Variants in MTAP observed in about 807,000 individuals in gnomAD.
The protein encoded by MTAP is S-methyl-5'-thioadenosine phosphorylase.
In MTAP, 33 loss-of-function variants were observed where a neutral mutation model predicts 33.6. The ratio of observed to expected loss-of-function variants is 0.98; its 90% confidence interval spans 0.74 to 1.31. The LOEUF is 1.31. Among genes scored for constraint, MTAP ranks in the 40% most tolerant of loss-of-function variants. The probability of loss-of-function intolerance (pLI) is 0.00; values close to 1 mark genes in which losing one functional copy is unlikely to be tolerated. For missense variants in MTAP, 367 were observed against 360.0 expected (o/e 1.02, Z -0.16); for synonymous variants, 148 against 125.7 (o/e 1.18, Z -1.19).
chr9:21,911,063 T>C lies in MTAP; in HGVS notation c.148-19945T>C, dbSNP rs542104740. Among the ~76,000 whole-genome samples the C allele has an allele frequency of 2.3e-4, 35 of 152,250 alleles. No individual in the cohort carries two copies. The East Asian group carries it at 5.8e-3, about 25-fold the overall frequency. ...CATTACATAATGGTAAAGGGATCAATTCAACAAGAAGAGCTAACTATCCTA... is the reference window on the plus strand; with the variant it reads ...CATTACATAATGGTAAAGGGATCAACTCAACAAGAAGAGCTAACTATCCTA... On this transcript the variant is annotated intron_variant, in intron 1 of 1. Coordinates refer to the MTAP transcript ENST00000577563.
At chr9:21,830,104 C>G (rs554162484) in intron 4 of MTAP, among the ~76,000 whole-genome samples, 2 of 152,262 alleles carry the variant, frequency 1.3e-5, no homozygotes, top group South Asian at 2.1e-4. Flanking sequence ...CAAGTAAATT[C>G]CATAGCAATT....
downstream of MTAP, among the ~76,000 whole-genome samples, chr9:21,938,378 G>T (rs1819076266): frequency 6.6e-6 from 1 of 151,818 alleles, no homozygotes; most frequent in Admixed American, 6.6e-5. Context: ...GGTTCAGGCT[G>T]CAGTGAGCCA....
chr9:21,919,199 A>T (rs1271870605), intron 1 of MTAP, among the ~76,000 whole-genome samples: 1 of 152,200 alleles, frequency 6.6e-6, no homozygotes, highest in Admixed American at 6.5e-5. Context: ...GACACTTGAA[A>T]TTTTTATCAG....
intron 1 of MTAP, among the ~76,000 whole-genome samples, chr9:21,886,785 G>A (rs879396978): frequency 9.2e-5 from 14 of 152,064 alleles, no homozygotes; most frequent in East Asian, 1.9e-4. Flanking sequence ...ATTCTGTTCC[G>A]TTGGCGTATG....
intron 4 of MTAP, among the ~76,000 whole-genome samples, chr9:21,836,046 G>A (rs1825096880): frequency 6.6e-6 from 1 of 152,068 alleles, no homozygotes; most frequent in South Asian, 2.1e-4. Context: ...TGAGTGTTGT[G>A]AGGCCCCATC....
rs371475082 is a variant in MTAP, at chr9:21,864,118, T to C, written c.*2104T>C. ...GCAAAAGTATGGGCATTTTTCTTGC[T>C]ATGTTCAGAAAGTACAGTTCTCTCC... On this transcript the variant is annotated 3_prime_UTR_variant, in exon 8 of 8. Transcript: ENST00000644715. 5.1e-6 allele frequency: 5 copies of C among 985,450 alleles called. No individual in the cohort carries two copies. The allele number at this position is 985,450 out of a possible 1,614,324, so 61.0% of individuals were successfully genotyped here. A position where few individuals can be genotyped will look rare whatever the true frequency, so the allele number is the denominator to read the frequency against.
intron 5 of MTAP, among the ~76,000 whole-genome samples, chr9:21,843,734 G>T (rs1311005282): frequency 6.6e-6 from 1 of 152,106 alleles, no homozygotes; most frequent in East Asian, 1.9e-4. Context: ...AAACCTCTGG[G>T]ATACAGAAAA....
intron 1 of MTAP, chr9:21,813,657 C>T (rs1824406427): frequency 6.6e-6 from 1 of 152,170 alleles, no homozygotes; most frequent in Admixed American, 6.5e-5. Flanking sequence ...CAGGGAACAC[C>T]CAGAAACAGC....
At chr9:21,825,626 C>G (rs895770046) in intron 4 of MTAP, among the ~76,000 whole-genome samples, 2 of 152,122 alleles carry the variant, frequency 1.3e-5, no homozygotes, top group African/African-American at 4.8e-5. Context: ...TTGCTTGAGC[C>G]CAGAAGTTTG....
At chr9:21,841,502 C>G (rs1825243205) in intron 5 of MTAP, among the ~76,000 whole-genome samples, 1 of 152,248 alleles carries the variant, frequency 6.6e-6, no homozygotes, top group Non-Finnish European at 1.5e-5. Context: ...ATATCTACAA[C>G]CAATGACTCT....
At position 21,862,393 on chromosome 9, in the gene MTAP, G is replaced by C. The variant is rs1445264114; in HGVS notation, c.*379G>C. ...TGGGACTCTTTGGTTATTTATTGAT[G>C]CGACTGTAAATTGGTACAGTATTTC... On this transcript the variant is annotated 3_prime_UTR_variant, in exon 8 of 8. Transcript: ENST00000644715. 2 of 169,824 alleles carry C rather than the reference G, an allele frequency of 1.2e-5. No homozygotes were observed. Among genetic ancestry groups the C allele is most frequent in the Non-Finnish European group, 2.5e-5 (2 of 80,832 alleles). 10.5% of individuals were successfully genotyped at this position (169,824 alleles called of 1,614,324 possible).
chr9:21,807,000 C>CA (rs1824224213), intron 1 of MTAP, among the ~76,000 whole-genome samples: 1 of 151,932 alleles, frequency 6.6e-6, no homozygotes, highest in African/African-American at 2.4e-5. Flanking sequence ...CCCATTTCTA[C>CA]AAAAAATACA....
chr9:21,818,172 A>G lies in MTAP; in HGVS notation c.317A>G (p.Asp106Gly). ...GSLREEIQPG[D>G]IVIIDQFIDR... Reference sequence around the variant, plus strand: ...TTGAGGGAGGAGATTCAGCCCGGCGATATTGTCATTATTGATCAGTTCATT... The same window carrying G: ...TTGAGGGAGGAGATTCAGCCCGGCGGTATTGTCATTATTGATCAGTTCATT... The change falls in exon 4 of 8, where the codon GAT (aspartate) becomes GGT (glycine). Residue 106 changes from aspartate (D) to glycine (G), a missense_variant. Physicochemically the swap from Asp to Gly is moderately conservative, Grantham distance 94. Transcript: ENST00000644715. The G allele has an allele frequency of 1.9e-6, 3 of 1,613,988 alleles. No homozygotes were observed. Among genetic ancestry groups the G allele is most frequent in the Non-Finnish European group, 2.5e-6 (3 of 1,179,994 alleles).
chr9:21,921,750 G>T (rs1373875989), intron 1 of MTAP, among the ~76,000 whole-genome samples: 1 of 152,072 alleles, frequency 6.6e-6, no homozygotes, highest in African/African-American at 2.4e-5. Flanking sequence ...GAGGGCAGAT[G>T]GCTTGAGCTC....
At chr9:21,802,907 A>T in intron 1 of MTAP, 126 bp downstream of exon 1, 1 of 1,445,778 alleles carries the variant, frequency 6.9e-7, no homozygotes, top group Non-Finnish European at 9.0e-7. Flanking sequence ...GCGGGGAGGG[A>T]CTGGGGCGCG....
intron 6 of MTAP, among the ~76,000 whole-genome samples, chr9:21,855,085 A>G (rs1825607359): frequency 6.6e-6 from 1 of 152,230 alleles, no homozygotes; most frequent in South Asian, 2.1e-4. Context: ...TGAAAATAGT[A>G]CATTGTAGGC....
intron 1 of MTAP, among the ~76,000 whole-genome samples, chr9:21,806,046 G>A (rs986479377): frequency 2.6e-5 from 4 of 152,164 alleles, no homozygotes; most frequent in East Asian, 1.9e-4. Context: ...CTTGTAGACC[G>A]CGATCAAGAA....
rs938343924 is a variant in MTAP at position 21,838,423 on chromosome 9, A to G, written c.450+413A>G. Among the ~76,000 whole-genome samples, 5 of 152,246 alleles carry G rather than the reference A, an allele frequency of 3.3e-5. No individual in the cohort carries two copies. The South Asian group carries it at 1.0e-3, about 31-fold the overall frequency. On this transcript the variant is annotated intron_variant, in intron 5 of 7. Transcript: ENST00000644715. ...CAGTTATCTTACTTCTAAAATGAAG[A>G]TAATTATAGCATGTACCTTATAAGA...
chr9:21,901,386 A>T (rs1380946093), intron 1 of MTAP, among the ~76,000 whole-genome samples: 11 of 152,204 alleles, frequency 7.2e-5, no homozygotes, highest in African/African-American at 2.7e-4. Context: ...TTTAAGTTTA[A>T]TAGCACAGGA....
Sources: allele counts gnomAD v4.1 joint callset (sites outside exome capture counted in the v4.1 genomes callset), GRCh38; gene constraint gnomAD v4.1.1; transcripts MANE v1.5; gene names NCBI Gene and HGNC (gene_info 2026-07-23, HGNC 2026-07-21).